The following MED24 variants were observed in gnomAD, a reference collection of about 807,000 sequenced individuals.
MED24 encodes the protein mediator complex subunit 24, also known as mediator of RNA polymerase II transcription subunit 24.
A neutral mutation model predicts 118.8 loss-of-function variants in MED24; 74 were observed. That is an observed-to-expected ratio of 0.62 (90% CI 0.52 to 0.76). MED24 has a LOEUF of 0.76. MED24 is among the 30% of genes least tolerant of loss of function. MED24 has a pLI of 0.00. For synonymous variants in MED24, 521 were observed against 523.9 expected, an observed-to-expected ratio of 0.99 and a Z score of 0.08; for missense variants, 1,041 against 1,278.9, an observed-to-expected ratio of 0.81 and a Z score of 2.84.
chr17:40,021,852 A>G, intron 23 of MED24, 103 bp downstream of exon 23: 2 of 855,224 alleles, frequency 2.3e-6, no homozygotes, highest in Non-Finnish European at 3.7e-6. Context: ...ACCCTCTCTG[A>G]CCAGCTGCAA....
chr17:40,026,582 A>C, intron 18 of MED24, 65 bp downstream of exon 18: 1 of 1,448,412 alleles, frequency 6.9e-7, no homozygotes, highest in East Asian at 2.4e-5. Flanking sequence ...TACGAAATAT[A>C]ACAAGTCATC....
intron 19 of MED24, among the ~76,000 whole-genome samples, chr17:40,024,687 C>G (rs966230074): frequency 2.0e-5 from 3 of 152,188 alleles, no homozygotes; most frequent in Admixed American, 1.3e-4. Context: ...TGTCCACTGA[C>G]AGAGGAGGGA....
At chr17:40,031,729 T>G (rs961719845) in intron 10 of MED24, 109 bp from the exon 11 acceptor site, 4 of 1,040,554 alleles carry the variant, frequency 3.8e-6, no homozygotes, top group Admixed American at 2.2e-5. Context: ...GGCTGCTTTC[T>G]GCCTGGAGCC....
At position 40,028,863 on chromosome 17, in the gene MED24, T is replaced by C. The variant is rs1202339260; in HGVS notation, c.1372A>G (p.Thr458Ala). ...CGGGCGAAGGATTTCAGCTTTCCAG[T>C]GGCGGCGGCGGCAGCCAGCAGCAAG... ...LDLLLAAAAA[T>A]GKLKSFARKF... The change falls in exon 14 of 26, where the codon ACT becomes GCT. Residue 458 changes from threonine (T) to alanine (A), a missense_variant. This residue lies in a region of MED24 where 587 missense variants were observed against 694.4 expected (regional missense o/e 0.85). Transcript: ENST00000394128. 1.2e-6 allele frequency: 2 copies of C among 1,613,852 alleles called. No individual in the cohort carries two copies. Among genetic ancestry groups the C allele is most frequent in the Non-Finnish European group, 1.7e-6 (2 of 1,179,854 alleles).
At chr17:40,022,138 G>T in intron 22 of MED24, 84 bp from the exon 23 acceptor site, 1 of 1,150,056 alleles carries the variant, frequency 8.7e-7, no homozygotes, top group Non-Finnish European at 1.2e-6. Context: ...GCTCCGATTT[G>T]AGCGAGGTCA....
intron 3 of MED24, among the ~76,000 whole-genome samples, chr17:40,048,043 T>G (rs752980068): frequency 8.5e-5 from 13 of 152,286 alleles, no homozygotes; most frequent in Non-Finnish European, 1.8e-4. Context: ...GATCTTTGTA[T>G]GTTATGCTAT....
Position 40,019,843 on chromosome 17 carries a change from A to G in MED24, c.2795T>C (p.Val932Ala). 1 of 1,599,048 alleles carries G rather than the reference A, an allele frequency of 6.3e-7. No individual in the cohort carries two copies. Among genetic ancestry groups the G allele is most frequent in the Non-Finnish European group, 8.5e-7 (1 of 1,172,472 alleles). The change falls in exon 25 of 26, where the codon GTG (valine) becomes GCG (alanine). Residue 932 changes from valine to alanine, a missense_variant. By Grantham distance (64) the Val-to-Ala change is moderately conservative. Around this residue, in one of 3 missense-constraint regions of MED24, gnomAD observed 587 missense variants for 694.4 expected, o/e 0.85. Coordinates refer to ENST00000394128, the MANE Select transcript of MED24 (RefSeq NM_014815.4). The part of the protein sequence containing the change: ...QFVQWFMEEC[V>A]DCLEQGGRGS... ...ACGGCCACCCTGCTCCAGGCAGTCC[A>G]CACACTCCTCCATGAACCACTGCAC...
intron 6 of MED24, 174 bp downstream of exon 6, chr17:40,034,943 C>T: frequency 6.4e-7 from 1 of 1,569,762 alleles, no homozygotes; most frequent in Non-Finnish European, 8.6e-7. Context: ...CGGGTGCCAC[C>T]CTGCCCAAGT....
In MED24 at chr17:40,031,615, G is replaced by A; in HGVS notation, c.990C>T (p.Phe330=). ...LKKYSHGDKD[F]TEDVNCAFEF... ...CAAAAGCACAGTTGACATCCTCAGT[G>A]AAGTCCTAGAAAGAGGCAGAAGTGT... The change falls in exon 11 of 26, where the codon TTC becomes TTT. Residue 330 remains phenylalanine (F), a synonymous_variant. Transcript: ENST00000394128. 1 of 1,613,998 alleles carries A rather than the reference G, an allele frequency of 6.2e-7. No individual in the cohort carries two copies. The highest frequency in any genetic ancestry group is 8.5e-7 in the Non-Finnish European group (1 of 1,179,880).
Position 40,027,358 on chromosome 17 carries a change from C to T in MED24, c.1530+25G>A, listed in dbSNP as rs753115186. Reference sequence around the variant, plus strand: ...GGGTTACCTCCTTCCCTTGAGCCCCCGTCCCGGTCGCTCCCCTCTCTCACC... The same window carrying T: ...GGGTTACCTCCTTCCCTTGAGCCCCTGTCCCGGTCGCTCCCCTCTCTCACC... On this transcript the variant is annotated intron_variant, in intron 16 of 25. Transcript: ENST00000394128. The T allele has an allele frequency of 5.0e-6, 8 of 1,605,054 alleles. No homozygotes were observed. In the East Asian group the frequency reaches 1.6e-4, roughly 32 times the overall value.
At chr17:40,053,227 G>T in intron 3 of MED24, 71 bp downstream of exon 3, 1 of 1,398,792 alleles carries the variant, frequency 7.1e-7, no homozygotes, top group Non-Finnish European at 9.8e-7. Flanking sequence ...GAACCACCGG[G>T]GCCCAAATGC....
At position 40,019,391 on chromosome 17, in the gene MED24, G is replaced by A. The variant is rs1981661179; in HGVS notation, c.*138C>T. The A allele has an allele frequency of 4.2e-6, 3 of 706,554 alleles. No individual in the cohort carries two copies. Among genetic ancestry groups the A allele is most frequent in the Non-Finnish European group, 4.8e-6 (2 of 417,858 alleles). The allele number at this position is 706,554 out of a possible 1,614,324, so 43.8% of individuals were successfully genotyped here. A position where few individuals can be genotyped will look rare whatever the true frequency, so the allele number is the denominator to read the frequency against. On this transcript the variant is annotated 3_prime_UTR_variant, in exon 26 of 26. Transcript: ENST00000394128. ...CTGGAGGTCAGGAGTCAGGAGCGGGGAACTGGAAGCCGCTAGAGGCTCTTG... is the reference window on the plus strand; with the variant it reads ...CTGGAGGTCAGGAGTCAGGAGCGGGAAACTGGAAGCCGCTAGAGGCTCTTG...
At position 40,023,298 on chromosome 17, in the gene MED24, T is replaced by C. The variant is rs1982258035; in HGVS notation, c.2083A>G (p.Met695Val). 5 of 1,613,988 alleles carry C rather than the reference T, an allele frequency of 3.1e-6. No homozygotes were observed. The highest frequency in any genetic ancestry group is 1.3e-5 in the African/African-American group (1 of 74,916). Residue 695 changes from methionine (M) to valine (V), a missense_variant, in exon 20 of 26, where the codon ATG becomes GTG. By Grantham distance (21) the Met-to-Val change is conservative. Around this residue, in one of 3 missense-constraint regions of MED24, gnomAD observed 587 missense variants for 694.4 expected, o/e 0.85. Coordinates refer to ENST00000394128, the MANE Select transcript of MED24 (RefSeq NM_014815.4). ...IKFPSTGVDT[M>V]PYWNLLPPKR... ...GGGGGCAGCAGGTTCCAGTAGGGCA[T>C]TGTGTCCACCCCGGTGGAGGGAAAC...
intron 3 of MED24, among the ~76,000 whole-genome samples, chr17:40,051,115 A>AACAAGAGCT (rs1469263214): frequency 7.0e-6 from 1 of 143,388 alleles, no homozygotes; most frequent in Admixed American, 7.3e-5. Context: ...CAGCCTGGGC[A>AACAAGAGCT]ACAAGAGCTA....
At chr17:40,029,082 G>A (rs1983064083) in intron 13 of MED24, 114 bp from the exon 14 acceptor site, 1 of 1,417,390 alleles carries the variant, frequency 7.1e-7, no homozygotes, top group Non-Finnish European at 9.7e-7. Flanking sequence ...ACATCTTTCT[G>A]ACTTCAATCT....
chr17:40,028,103 TTTTGTTTTTTG>T (rs1161067734), intron 14 of MED24, 157 bp from the exon 15 acceptor site: 54 of 748,550 alleles, frequency 7.2e-5, no homozygotes, highest in Non-Finnish European at 1.2e-4. Flanking sequence ...TTTTTGTGGT[TTTTGTTTTTTG>T]TTTTTTTTTT....
chr17:40,019,914 G>T lies in MED24; in HGVS notation c.2724C>A (p.Ile908=). ...CGGTGCGAGACCCCAGGATGGAGGA[G>T]ATGAGCAGGAACAGGTTGGCTGTAG... The part of the protein sequence containing the change: ...NRVLANLFLL[I]SSILGSRTAG... Residue 908 remains isoleucine (I), a synonymous_variant, in exon 25 of 26, where the codon ATC becomes ATA. Coordinates refer to ENST00000394128, the MANE Select transcript of MED24 (RefSeq NM_014815.4). The T allele has an allele frequency of 6.4e-7, 1 of 1,568,950 alleles. No individual in the cohort carries two copies. Among genetic ancestry groups the T allele is most frequent in the Non-Finnish European group, 8.6e-7 (1 of 1,156,084 alleles).
At chr17:40,047,260 G>A (rs1179343861) in intron 3 of MED24, among the ~76,000 whole-genome samples, 1 of 152,200 alleles carries the variant, frequency 6.6e-6, no homozygotes, top group Non-Finnish European at 1.5e-5. Context: ...GGCAATTGTG[G>A]GAGAGGGGAG....
At chr17:40,035,913 C>T (rs1983883457) in intron 4 of MED24, 118 bp from the exon 5 acceptor site, 3 of 1,118,908 alleles carry the variant, frequency 2.7e-6, no homozygotes, top group Non-Finnish European at 3.9e-6. Flanking sequence ...GGGTTCCAGA[C>T]TCAGCATCCT....
Sources: gnomAD v4.1 joint callset for allele counts (sites outside exome capture counted in the v4.1 genomes callset) on GRCh38, gnomAD v4.1.1 for gene constraint, gnomAD v4.1.1 regional missense constraint, MANE v1.5 for transcripts, NCBI Gene and HGNC (gene_info 2026-07-23, HGNC 2026-07-21) for gene names.